Variants in DCX observed in about 807,000 individuals in gnomAD.
The protein encoded by DCX is doublecortin.
A neutral mutation model predicts 20.9 loss-of-function variants in DCX; 4 were observed. The observed-to-expected ratio is 0.19, with a 90% confidence interval of 0.09 to 0.44. DCX has a LOEUF of 0.44. Among genes scored for constraint, DCX ranks in the 20% least tolerant of loss-of-function variants. The probability of loss-of-function intolerance (pLI) is 0.99; values close to 1 mark genes in which losing one functional copy is unlikely to be tolerated. For missense variants in DCX, 133 were observed against 296.9 expected (o/e 0.45, Z 4.06); for synonymous variants, 103 against 111.4 (o/e 0.92, Z 0.47).
intron 3 of DCX, among the ~76,000 whole-genome samples, chrX:111,334,386 T>G (rs770608663): frequency 1.8e-5 from 2 of 111,658 alleles, no homozygotes; most frequent in Non-Finnish European, 3.8e-5. Flanking sequence ...CTTGACCTCA[T>G]CAAATTGGCC....
chrX:111,305,448 C>G (rs1347267450), intron 6 of DCX, among the ~76,000 whole-genome samples: 2 of 111,026 alleles, frequency 1.8e-5, no homozygotes, highest in Non-Finnish European at 3.8e-5. Flanking sequence ...AATCTACTTA[C>G]TCCCTAATAC....
At chrX:111,396,002 T>C (rs1462551260) in intron 3 of DCX, among the ~76,000 whole-genome samples, 1 of 112,623 alleles carries the variant, frequency 8.9e-6, no homozygotes, top group Non-Finnish European at 1.9e-5. Context: ...CATTCAACAT[T>C]TCCAAGGTTA....
chrX:111,306,538 C>G (rs1323627532), intron 6 of DCX, among the ~76,000 whole-genome samples: 1 of 111,146 alleles, frequency 9.0e-6, no homozygotes, highest in South Asian at 3.7e-4. Flanking sequence ...AGAAGACCAA[C>G]AAGTAAATAG....
At chrX:111,365,071 T>TATC (rs1292737010) in intron 3 of DCX, among the ~76,000 whole-genome samples, 3 of 106,796 alleles carry the variant, frequency 2.8e-5, no homozygotes, top group African/African-American at 1.0e-4. Context: ...TTTGTATTAT[T>TATC]ATTATTATTA....
In DCX at chrX:111,392,715, A is replaced by G. The variant is rs180706018; in HGVS notation, c.705+8275T>C. ...AAATTGACTTTGGTGATGGTCACACATATCTGTGAGCATATTAAAATCATT... is the reference window on the plus strand; with the variant it reads ...AAATTGACTTTGGTGATGGTCACACGTATCTGTGAGCATATTAAAATCATT... On this transcript the variant is annotated intron_variant, in intron 3 of 6. Coordinates refer to ENST00000636035, the MANE Select transcript of DCX (RefSeq NM_001195553.2). 9.8e-3 allele frequency among the ~76,000 whole-genome samples: 1,095 copies of G among 112,126 alleles called. 8 individuals are homozygous for G. The highest frequency in any genetic ancestry group is 0.015 in the Non-Finnish European group (823 of 53,158).
chrX:111,404,755 A>G (rs1928080713), intron 2 of DCX, among the ~76,000 whole-genome samples: 1 of 112,501 alleles, frequency 8.9e-6, no homozygotes, highest in Non-Finnish European at 1.9e-5. Flanking sequence ...CCCACCTCCA[A>G]GGACTCTTCA....
At chrX:111,316,086 T>TAAAAAAAA (rs754058802) in intron 5 of DCX, among the ~76,000 whole-genome samples, 73 of 50,579 alleles carry the variant, frequency 1.4e-3, no homozygotes, top group Non-Finnish European at 2.1e-3. Flanking sequence ...TAATAAAAAA[T>TAAAAAAAA]AAAAAAAAAA....
chrX:111,300,155 A>G lies in DCX; in HGVS notation c.*1532T>C, dbSNP rs752037006. ...TCAAAATATCTGCACAATTACAAAG[A>G]AATAAGGAAATCTTCATATCTGCTA... On this transcript the variant is annotated 3_prime_UTR_variant, in exon 7 of 7. Transcript: ENST00000636035. The G allele has an allele frequency of 2.7e-5, 3 of 112,261 alleles. No homozygotes were observed. In the South Asian group the frequency reaches 1.1e-3, roughly 42 times the overall value. 9.3% of individuals were successfully genotyped at this position (112,261 alleles called of 1,213,427 possible).
At chrX:111,334,123 C>T (rs1194263394) in intron 3 of DCX, among the ~76,000 whole-genome samples, 1 of 112,568 alleles carries the variant, frequency 8.9e-6, no homozygotes, top group Non-Finnish European at 1.9e-5. Context: ...AAACTAACAA[C>T]AGCTTGCTGG....
intron 1 of DCX, chrX:111,411,825 T>C (rs1436547762): frequency 9.0e-6 from 1 of 111,662 alleles, no homozygotes; most frequent in Non-Finnish European, 1.9e-5. Context: ...TCAGACAACC[T>C]GCAGTGGTAA....
rs186884896 is a variant in DCX, at chrX:111,312,105, A to G, written c.1044+534T>C. On this transcript the variant is annotated intron_variant, in intron 6 of 6. Coordinates refer to ENST00000636035, the MANE Select transcript of DCX (RefSeq NM_001195553.2). ...GGGGTATACATGGTGGCCAAGGCCA[A>G]TGCAATGTGTATATGTGCTCTCTTC... Among the ~76,000 whole-genome samples the G allele has an allele frequency of 2.9e-3, 331 of 112,973 alleles. 1 individual carries two copies. The highest frequency in any genetic ancestry group is 0.01 in the African/African-American group (315 of 31,159).
At chrX:111,389,047 C>T (rs1218173032) in intron 3 of DCX, among the ~76,000 whole-genome samples, 1 of 111,789 alleles carries the variant, frequency 8.9e-6, no homozygotes, top group Non-Finnish European at 1.9e-5. Flanking sequence ...GATCCAACAG[C>T]CTGACCCAGT....
At chrX:111,388,736 G>A (rs1009359651) in intron 3 of DCX, among the ~76,000 whole-genome samples, 1 of 112,069 alleles carries the variant, frequency 8.9e-6, no homozygotes, top group Admixed American at 9.5e-5. Flanking sequence ...AACACAGTGA[G>A]GATTGATTTG....
intron 3 of DCX, among the ~76,000 whole-genome samples, chrX:111,372,426 A>G (rs1309792811): frequency 2.7e-5 from 3 of 111,809 alleles, no homozygotes; most frequent in Non-Finnish European, 5.7e-5. Flanking sequence ...GAGCTCACTC[A>G]AGCTACATTA....
intron 3 of DCX, among the ~76,000 whole-genome samples, chrX:111,348,952 T>C (rs1361969106): frequency 9.0e-6 from 1 of 111,503 alleles, no homozygotes; most frequent in Non-Finnish European, 1.9e-5. Flanking sequence ...GGCTCACTGC[T>C]TTCTCTCTGG....
intron 3 of DCX, among the ~76,000 whole-genome samples, chrX:111,345,697 T>C (rs1005457468): frequency 1.8e-5 from 2 of 111,418 alleles, no homozygotes; most frequent in Admixed American, 9.5e-5. Context: ...AATGAGATAC[T>C]ATCTCACGCC....
intron 6 of DCX, among the ~76,000 whole-genome samples, chrX:111,306,369 A>G (rs1371041550): frequency 8.9e-6 from 1 of 112,102 alleles, no homozygotes; most frequent in African/African-American, 3.2e-5. Context: ...AAGAGTCAAT[A>G]TATCCAGAAA....
At chrX:111,394,184 T>A (rs908062225) in intron 3 of DCX, among the ~76,000 whole-genome samples, 2 of 111,943 alleles carry the variant, frequency 1.8e-5, no homozygotes, top group African/African-American at 6.5e-5. Context: ...TACCAATATA[T>A]GCTACAACAT....
At chrX:111,329,379 A>G (rs1039112000) in intron 5 of DCX, among the ~76,000 whole-genome samples, 39 of 111,655 alleles carry the variant, frequency 3.5e-4, no homozygotes, top group African/African-American at 1.1e-3. Context: ...ATATTACTGG[A>G]GCATCTACTA....
Sources: allele counts gnomAD v4.1 joint callset (sites outside exome capture counted in the v4.1 genomes callset), GRCh38; gene constraint gnomAD v4.1.1; transcripts MANE v1.5; gene names NCBI Gene and HGNC (gene_info 2026-07-23, HGNC 2026-07-21).